FANCB: variants seen among roughly 807,000 people sequenced by gnomAD.
FANCB encodes FA complementation group B.
In FANCB, 5 loss-of-function variants were observed where a neutral mutation model predicts 38.9. That is an observed-to-expected ratio of 0.13 (90% CI 0.07 to 0.27). FANCB has a LOEUF of 0.27. Ranked by LOEUF, FANCB falls within the 10% of genes least tolerant of loss-of-function variation. The pLI is 1.00. For synonymous variants in FANCB, 236 were observed against 215.4 expected, an observed-to-expected ratio of 1.10 and a Z score of -0.84; for missense variants, 573 against 602.7, an observed-to-expected ratio of 0.95 and a Z score of 0.52.
chrX:14,788,435 G>A, the FANCB span, among the ~76,000 whole-genome samples: 1 of 111,412 alleles, frequency 9.0e-6, no homozygotes, highest in Non-Finnish European at 1.9e-5. Context: ...AGCAATACTG[G>A]AACCAACTGC....
intron 1 of FANCB, among the ~76,000 whole-genome samples, chrX:14,871,853 C>G (rs2092499473): frequency 9.4e-6 from 1 of 106,219 alleles, no homozygotes; most frequent in African/African-American, 3.5e-5. Context: ...AGAAACAGTG[C>G]CAGGTACTGC....
At chrX:14,726,794 T>C in the FANCB span, among the ~76,000 whole-genome samples, 1 of 112,607 alleles carries the variant, frequency 8.9e-6, no homozygotes, top group Non-Finnish European at 1.9e-5. Flanking sequence ...CGTGGACATG[T>C]ATATTTAAGT....
At chrX:14,747,742 C>A in the FANCB span, among the ~76,000 whole-genome samples, 12 of 111,997 alleles carry the variant, frequency 1.1e-4, no homozygotes, top group East Asian at 3.4e-3. Context: ...ATATTAATTT[C>A]GGTTGGTTTG....
chrX:14,801,605 C>T, the FANCB span, among the ~76,000 whole-genome samples: 13 of 111,566 alleles, frequency 1.2e-4, no homozygotes, highest in South Asian at 3.7e-4. Flanking sequence ...GTTTCATAAA[C>T]TTTTTTCCAT....
At chrX:14,842,876 A>C (rs1164154178), downstream of FANCB, among the ~76,000 whole-genome samples, 2 of 111,796 alleles carry the variant, frequency 1.8e-5, no homozygotes, top group African/African-American at 6.5e-5. Flanking sequence ...ATAGACTTAC[A>C]TAATTTCAGG....
the FANCB span, among the ~76,000 whole-genome samples, chrX:14,820,396 A>G: frequency 1.8e-5 from 2 of 111,846 alleles, no homozygotes; most frequent in Non-Finnish European, 3.8e-5. Flanking sequence ...GTCATGTCTT[A>G]TATACTCCCA....
chrX:14,783,624 T>C, the FANCB span, among the ~76,000 whole-genome samples: 3 of 112,130 alleles, frequency 2.7e-5, no homozygotes, highest in East Asian at 8.4e-4. Flanking sequence ...GGCTTTAAGA[T>C]AGAAAATTGG....
At chrX:14,866,825 T>C (rs2092471507) in intron 2 of FANCB, among the ~76,000 whole-genome samples, 1 of 111,663 alleles carries the variant, frequency 9.0e-6, no homozygotes, top group African/African-American at 3.2e-5. Flanking sequence ...CATAATCTTA[T>C]ACTGAGAAAA....
intron 3 of FANCB, chrX:14,862,224 G>C (rs1302974889): frequency 8.9e-6 from 1 of 111,746 alleles, no homozygotes; most frequent in African/African-American, 3.3e-5. Context: ...CAAAGTGGCA[G>C]GGTTAGAGGC....
At chrX:14,796,494 T>TATATATAATATATATA in the FANCB span, among the ~76,000 whole-genome samples, 4 of 100,515 alleles carry the variant, frequency 4.0e-5, no homozygotes, top group African/African-American at 1.4e-4. Context: ...ACATATATTA[T>TATATATAATATATATA]ATATATAACA....
the FANCB span, among the ~76,000 whole-genome samples, chrX:14,746,571 G>C: frequency 4.5e-5 from 5 of 112,194 alleles, no homozygotes; most frequent in Non-Finnish European, 9.4e-5. Flanking sequence ...AACATCATTT[G>C]AACAAAGGAG....
downstream of FANCB, among the ~76,000 whole-genome samples, chrX:14,842,926 A>G (rs2092359407): frequency 9.0e-6 from 1 of 111,621 alleles, no homozygotes; most frequent in African/African-American, 3.3e-5. Flanking sequence ...AGGGTTTCAA[A>G]ACCTTTCATT....
chrX:14,742,939 C>T, the FANCB span, among the ~76,000 whole-genome samples: 1 of 113,154 alleles, frequency 8.8e-6, no homozygotes, highest in Non-Finnish European at 1.9e-5. Context: ...TTATAAATTG[C>T]TTTAACATAA....
At chrX:14,797,549 G>A in the FANCB span, among the ~76,000 whole-genome samples, 1 of 109,772 alleles carries the variant, frequency 9.1e-6, no homozygotes, top group Non-Finnish European at 1.9e-5. Flanking sequence ...AGGTGTGCTG[G>A]TGTGCACCTG....
downstream of FANCB, among the ~76,000 whole-genome samples, chrX:14,832,697 G>T (rs2092330407): frequency 8.9e-6 from 1 of 111,867 alleles, no homozygotes; most frequent in Admixed American, 9.5e-5. Context: ...GGAAAAGAAG[G>T]TTCCTCACTC....
chrX:14,843,407 G>A lies in FANCB; in HGVS notation c.*160C>T. 2.4e-6 allele frequency: 1 copy of A among 422,644 alleles called. No homozygotes were observed. The highest frequency in any genetic ancestry group is 3.9e-5 in the East Asian group (1 of 25,600). The allele number at this position is 422,644 out of a possible 1,213,427, so 34.8% of individuals were successfully genotyped here. A position where few individuals can be genotyped will look rare whatever the true frequency, so the allele number is the denominator to read the frequency against. Reference sequence around the variant, plus strand: ...AGAGGGAGATAAAATGGCCCTAGTTGAGAACCACTGCTGTTTATTTTGTGC... The same window carrying A: ...AGAGGGAGATAAAATGGCCCTAGTTAAGAACCACTGCTGTTTATTTTGTGC... On this transcript the variant is annotated 3_prime_UTR_variant, in exon 10 of 10. Transcript: ENST00000650831.
At chrX:14,798,382 T>A in the FANCB span, among the ~76,000 whole-genome samples, 1 of 111,387 alleles carries the variant, frequency 9.0e-6, no homozygotes, top group African/African-American at 3.3e-5. Context: ...CAGGATGATC[T>A]CGATCTCCTG....
chrX:14,865,413 G>A lies in FANCB; in HGVS notation c.98C>T (p.Ala33Val), dbSNP rs1291906477. ...LVFQLSKGNFADKEPTKTPIL... is the reference protein window; with the variant it reads ...LVFQLSKGNFVDKEPTKTPIL... ...GGGTGTTTTTGTAGGCTCTTTATCT[G>A]CAAAATTTCCTTTAGACAACTGGAA... Residue 33 changes from alanine (A) to valine (V), a missense_variant, in exon 3 of 10, where the codon GCA (alanine) becomes GTA (valine). Coordinates refer to ENST00000650831, the MANE Select transcript of FANCB (RefSeq NM_001018113.3). 2 of 1,207,975 alleles carry A rather than the reference G, an allele frequency of 1.7e-6. No homozygotes were observed. Among genetic ancestry groups the A allele is most frequent in the Admixed American group, 2.2e-5 (1 of 45,964 alleles).
the FANCB span, among the ~76,000 whole-genome samples, chrX:14,805,516 A>T: frequency 2.7e-5 from 3 of 111,226 alleles, no homozygotes; most frequent in Non-Finnish European, 5.7e-5. Flanking sequence ...AAACTGCTCA[A>T]GCCAGCTTCA....
Sources: gnomAD v4.1 joint callset for allele counts (sites outside exome capture counted in the v4.1 genomes callset) on GRCh38, gnomAD v4.1.1 for gene constraint, MANE v1.5 for transcripts, NCBI Gene and HGNC (gene_info 2026-07-23, HGNC 2026-07-21) for gene names.